The following HSPA4 variants were observed in gnomAD, a reference collection of about 807,000 sequenced individuals.
The protein encoded by HSPA4 is heat shock 70 kDa protein 4.
HSPA4 carries 25 observed loss-of-function variants against 106.2 expected under a neutral mutation model. That is an observed-to-expected ratio of 0.24 (90% CI 0.17 to 0.33). The LOEUF is 0.33. Ranked by LOEUF, HSPA4 falls within the 10% of genes least tolerant of loss-of-function variation. HSPA4 has a pLI of 1.00. For missense variants in HSPA4, 841 were observed against 996.0 expected, an observed-to-expected ratio of 0.84 and a Z score of 2.10; for synonymous variants, 332 against 333.6, an observed-to-expected ratio of 1.00 and a Z score of 0.05.
In HSPA4 at chr5:133,096,136, A is replaced by G. The variant is rs1000869207; in HGVS notation, c.1689A>G (p.Gln563=). ...QAGSKDKKMD[Q]PPQAKKAKVK... is the part of the protein sequence containing the mutation. Reference sequence around the variant, plus strand: ...GATCCAAGGATAAAAAGATGGACCAACCACCCCAAGCCAAGAAGGCAAAAG... The same window carrying G: ...GATCCAAGGATAAAAAGATGGACCAGCCACCCCAAGCCAAGAAGGCAAAAG... Residue 563 remains glutamine (Q), a synonymous_variant, in exon 14 of 19, where the codon CAA becomes CAG. Transcript: ENST00000304858. The G allele has an allele frequency of 6.2e-6, 10 of 1,613,946 alleles. No homozygotes were observed. The highest frequency in any genetic ancestry group is 2.7e-5 in the African/African-American group (2 of 74,912).
chr5:133,099,802 C>G, intron 16 of HSPA4, 150 bp downstream of exon 16: 1 of 437,362 alleles, frequency 2.3e-6, no homozygotes, highest in East Asian at 3.2e-5. Flanking sequence ...GGCTCATTAT[C>G]ATTCTCACTT....
At chr5:133,065,113 A>G (rs990076289) in intron 2 of HSPA4, 76 bp downstream of exon 2, 5 of 1,208,338 alleles carry the variant, frequency 4.1e-6, no homozygotes, top group South Asian at 1.2e-5. Context: ...TTGAATGCCC[A>G]TTATGTGCCT....
chr5:133,067,386 T>G, intron 2 of HSPA4, 31 bp from the exon 3 acceptor site: 2 of 1,576,498 alleles, frequency 1.3e-6, no homozygotes, highest in Non-Finnish European at 8.6e-7. Flanking sequence ...TTAGTAGTAG[T>G]CTTTCCACTC....
chr5:133,064,927 G>A, intron 1 of HSPA4, 53 bp from the exon 2 acceptor site: 1 of 1,459,514 alleles, frequency 6.9e-7, no homozygotes, highest in Non-Finnish European at 9.6e-7. Context: ...CTATGCTTTT[G>A]GATTTATTAT....
At chr5:133,079,020 T>C (rs1336935367) in intron 7 of HSPA4, among the ~76,000 whole-genome samples, 1 of 152,178 alleles carries the variant, frequency 6.6e-6, no homozygotes, top group Non-Finnish European at 1.5e-5. Flanking sequence ...AGGCACGAGA[T>C]ACTGTGCCTG....
At chr5:133,078,349 G>A (rs1358538886) in intron 7 of HSPA4, among the ~76,000 whole-genome samples, 1 of 149,594 alleles carries the variant, frequency 6.7e-6, no homozygotes, top group African/African-American at 2.5e-5. Flanking sequence ...AAAAAAAATA[G>A]TTGTACTGTG....
At chr5:133,080,884 C>T (rs1581473702) in intron 7 of HSPA4, among the ~76,000 whole-genome samples, 1 of 152,126 alleles carries the variant, frequency 6.6e-6, no homozygotes, top group African/African-American at 2.4e-5. Flanking sequence ...TAAAACCTTA[C>T]TATTTTAAAG....
At position 133,061,115 on chromosome 5, in the gene HSPA4, G is replaced by C. The variant is rs185124672; in HGVS notation, c.108-3865G>C. ...ACTTTCACATGCAGTGCATACATGT[G>C]TTTTCTTTTCTTTTTTTTTTTTTTT... On this transcript the variant is annotated intron_variant, in intron 1 of 18. Transcript: ENST00000304858. 6.4e-3 allele frequency among the ~76,000 whole-genome samples: 949 copies of C among 148,608 alleles called. 4 individuals carry two copies. The highest frequency in any genetic ancestry group is 0.01 in the Middle Eastern group (3 of 286).
At chr5:133,088,686 T>TA (rs906803926) in intron 9 of HSPA4, 131 bp downstream of exon 9, 1 of 710,772 alleles carries the variant, frequency 1.4e-6, no homozygotes, top group African/African-American at 1.8e-5. Flanking sequence ...ACCTTTGTTT[T>TA]AAAATAGAGG....
chr5:133,070,229 C>A, intron 3 of HSPA4, 145 bp from the exon 4 acceptor site: 2 of 769,432 alleles, frequency 2.6e-6, no homozygotes, highest in Non-Finnish European at 2.0e-6. Context: ...GGTATTACTT[C>A]GAAAACTAGC....
chr5:133,064,688 A>G (rs1765286556), intron 1 of HSPA4, among the ~76,000 whole-genome samples: 1 of 152,218 alleles, frequency 6.6e-6, no homozygotes, highest in Non-Finnish European at 1.5e-5. Context: ...GATTTTGAAC[A>G]GGAGACTTGA....
In HSPA4 at chr5:133,081,968, CAT is replaced by C. The variant is rs1169839487; in HGVS notation, c.909-4811_909-4810del. ...GGAAACACATGTCCACAGAAAAACT[CAT>C]ATGTGAATGTTCATTGCACTACTCA... On this transcript the variant is annotated intron_variant, in intron 7 of 18. Coordinates refer to ENST00000304858, the MANE Select transcript of HSPA4 (RefSeq NM_002154.4). 2.0e-5 allele frequency among the ~76,000 whole-genome samples: 3 copies of C among 152,274 alleles called. No individual in the cohort carries two copies. In the East Asian group the frequency reaches 5.8e-4, roughly 29 times the overall value.
chr5:133,056,446 A>G (rs1385174887), intron 1 of HSPA4, among the ~76,000 whole-genome samples: 3 of 152,032 alleles, frequency 2.0e-5, no homozygotes, highest in Non-Finnish European at 4.4e-5. Context: ...TAATTTTTGT[A>G]TTTTTAGGTA....
chr5:133,085,490 A>G (rs574601264), intron 7 of HSPA4, among the ~76,000 whole-genome samples: 1 of 103,230 alleles, frequency 9.7e-6, no homozygotes, highest in East Asian at 2.4e-4. Flanking sequence ...CATCTCTACT[A>G]AAAAAAAAAA....
intron 7 of HSPA4, among the ~76,000 whole-genome samples, chr5:133,085,392 C>T (rs1765564854): frequency 6.6e-6 from 1 of 151,250 alleles, no homozygotes; most frequent in Non-Finnish European, 1.5e-5. Flanking sequence ...ATGGCTCATG[C>T]CTGTAATCTC....
rs147244562 is a variant in HSPA4 at position 133,052,093 on chromosome 5, A to G, written c.-158A>G. On this transcript the variant is annotated 5_prime_UTR_variant, in exon 1 of 19. Coordinates refer to ENST00000304858, the MANE Select transcript of HSPA4 (RefSeq NM_002154.4). The stretch of plus-strand genomic sequence containing the variant: ...CGGCCTGAGCAGCGCTCTCGGTTGC[A>G]GTACCCACTGGAAGGACTTAGGCGC... The G allele has an allele frequency of 3.4e-6, 2 of 587,444 alleles. No homozygotes were observed. The highest frequency in any genetic ancestry group is 3.9e-5 in the South Asian group (2 of 51,160). The allele number at this position is 587,444 out of a possible 1,614,324, so 36.4% of individuals were successfully genotyped here. A position where few individuals can be genotyped will look rare whatever the true frequency, so the allele number is the denominator to read the frequency against.
Position 133,052,206 on chromosome 5 carries a change from C to A in HSPA4, c.-45C>A. 7.3e-7 allele frequency: 1 copy of A among 1,373,718 alleles called. No individual in the cohort carries two copies. Among genetic ancestry groups the A allele is most frequent in the Non-Finnish European group, 1.0e-6 (1 of 996,430 alleles). The allele number at this position is 1,373,718 out of a possible 1,614,324, so 85.1% of individuals were successfully genotyped here. On this transcript the variant is annotated 5_prime_UTR_variant, in exon 1 of 19. Coordinates refer to ENST00000304858, the MANE Select transcript of HSPA4 (RefSeq NM_002154.4). Reference sequence around the variant, plus strand: ...GCCCCGCCGGGGGTCCGTGTCCTGTCTCGGTGGCCGGACCCGGGCCCGAGC... The same window carrying A: ...GCCCCGCCGGGGGTCCGTGTCCTGTATCGGTGGCCGGACCCGGGCCCGAGC...
intron 1 of HSPA4, among the ~76,000 whole-genome samples, chr5:133,063,658 C>T (rs1320266780): frequency 6.6e-6 from 1 of 152,056 alleles, no homozygotes; most frequent in Non-Finnish European, 1.5e-5. Flanking sequence ...GTCTCGAACT[C>T]CAGACCTCAG....
intron 1 of HSPA4, among the ~76,000 whole-genome samples, chr5:133,061,831 G>A (rs1221470523): frequency 6.6e-6 from 1 of 151,926 alleles, no homozygotes; most frequent in African/African-American, 2.4e-5. Flanking sequence ...ACAGAGTTTC[G>A]CCATGTTGGC....
Sources: gnomAD v4.1 joint callset for allele counts (sites outside exome capture counted in the v4.1 genomes callset) on GRCh38, gnomAD v4.1.1 for gene constraint, MANE v1.5 for transcripts, NCBI Gene and HGNC (gene_info 2026-07-23, HGNC 2026-07-21) for gene names.